BCL2L1: variants seen among roughly 807,000 people sequenced by gnomAD.
BCL2L1 encodes the protein BCL2 like 1.
BCL2L1 carries 1 observed loss-of-function variant against 18.7 expected under a neutral mutation model. That is an observed-to-expected ratio of 0.05 (90% CI 0.02 to 0.25). The LOEUF (loss-of-function observed/expected upper bound fraction) is 0.25. Ranked by LOEUF, BCL2L1 falls within the 10% of genes least tolerant of loss-of-function variation. The pLI is 1.00. For missense variants in BCL2L1, 207 were observed against 304.9 expected (o/e 0.68, Z 2.39); for synonymous variants, 103 against 122.7 (o/e 0.84, Z 1.06).
At chr20:31,666,201 C>T in intron 2 of BCL2L1, 115 bp from the exon 3 acceptor site, 1 of 1,351,450 alleles carries the variant, frequency 7.4e-7, no homozygotes, top group Non-Finnish European at 1.0e-6. Context: ...CTGTAGCCAT[C>T]TGTGCCCACT....
At position 31,720,087 on chromosome 20, in the gene BCL2L1, C is replaced by CAGCT. The variant is rs1424843206; in HGVS notation, c.564+1564_564+1567dup. ...TTACAGAATGGCTTTCAAGTCTAGTCAGCTAGCTCAAGAGAACCCACCACC... is the reference window on the plus strand; with the variant it reads ...TTACAGAATGGCTTTCAAGTCTAGTCAGCTAGCTAGCTCAAGAGAACCCACCACC... On this transcript the variant is annotated intron_variant, in intron 2 of 2. Transcript: ENST00000307677. The CAGCT allele has an allele frequency of 5.1e-6, 5 of 985,364 alleles. 1 individual carries two copies. The Admixed American group carries it at 3.1e-4, about 60-fold the overall frequency. The allele number at this position is 985,364 out of a possible 1,614,324, so 61.0% of individuals were successfully genotyped here.
intron 2 of BCL2L1, among the ~76,000 whole-genome samples, chr20:31,700,345 T>C (rs1356741573): frequency 6.6e-6 from 1 of 152,158 alleles, no homozygotes; most frequent in East Asian, 1.9e-4. Context: ...GAAGCTGCCA[T>C]TGCCACCTGG....
At chr20:31,709,425 G>A (rs2061418423) in intron 2 of BCL2L1, among the ~76,000 whole-genome samples, 1 of 152,028 alleles carries the variant, frequency 6.6e-6, no homozygotes, top group Non-Finnish European at 1.5e-5. Flanking sequence ...GCAATGGCAT[G>A]ATTTCAGCTC....
intron 2 of BCL2L1, among the ~76,000 whole-genome samples, chr20:31,707,170 T>C (rs1474741235): frequency 1.3e-5 from 2 of 152,274 alleles, no homozygotes; most frequent in Middle Eastern, 3.4e-3. Flanking sequence ...AAACCTCTAC[T>C]GTGTACAAGG....
upstream of BCL2L1, chr20:31,723,396 A>C: frequency 1.0e-6 from 1 of 985,378 alleles, no homozygotes; most frequent in Non-Finnish European, 1.2e-6. Flanking sequence ...CACAGCTGAG[A>C]CCACGTTTTC....
intron 2 of BCL2L1, among the ~76,000 whole-genome samples, chr20:31,667,845 AGCT>A (rs1309630065): frequency 2.0e-5 from 3 of 152,136 alleles, no homozygotes; most frequent in Admixed American, 1.3e-4. Flanking sequence ...ATGTGCACTG[AGCT>A]GCTAATTTGA....
At chr20:31,666,209 A>G (rs1568844612) in intron 2 of BCL2L1, 123 bp from the exon 3 acceptor site, 3 of 1,267,746 alleles carry the variant, frequency 2.4e-6, no homozygotes, top group Non-Finnish European at 3.3e-6. Context: ...ATCTGTGCCC[A>G]CTCTGGGCCA....
At chr20:31,695,597 G>C (rs539494750) in intron 2 of BCL2L1, among the ~76,000 whole-genome samples, 1 of 152,330 alleles carries the variant, frequency 6.6e-6, no homozygotes, top group African/African-American at 2.4e-5. Context: ...GTCCCGAGTA[G>C]CTAGCTAGGA....
At chr20:31,700,870 A>T (rs944195003) in intron 2 of BCL2L1, among the ~76,000 whole-genome samples, 1 of 152,218 alleles carries the variant, frequency 6.6e-6, no homozygotes, top group African/African-American at 2.4e-5. Context: ...CTTGAAACAA[A>T]GTTAGCTAGG....
intron 2 of BCL2L1, among the ~76,000 whole-genome samples, chr20:31,672,625 C>T (rs1248278355): frequency 6.6e-6 from 1 of 152,166 alleles, no homozygotes; most frequent in Non-Finnish European, 1.5e-5. Context: ...GGCCCAGGAC[C>T]TACTCAGACA....
At chr20:31,684,394 G>C (rs1227015027) in intron 2 of BCL2L1, among the ~76,000 whole-genome samples, 1 of 152,198 alleles carries the variant, frequency 6.6e-6, no homozygotes, top group Non-Finnish European at 1.5e-5. Context: ...AGAGACCAGA[G>C]AGCTGAGAGC....
At chr20:31,721,364 T>C in intron 2 of BCL2L1, 1 of 407,446 alleles carries the variant, frequency 2.5e-6, no homozygotes, top group Non-Finnish European at 4.4e-6. Flanking sequence ...GTTTGGGACT[T>C]AATGAACACA....
At chr20:31,717,229 G>T (rs1050095300) in intron 2 of BCL2L1, among the ~76,000 whole-genome samples, 1 of 152,216 alleles carries the variant, frequency 6.6e-6, no homozygotes, top group African/African-American at 2.4e-5. Flanking sequence ...GGCAAAACCA[G>T]GGAGACTGGA....
intron 2 of BCL2L1, among the ~76,000 whole-genome samples, chr20:31,681,108 G>A (rs1027731719): frequency 6.6e-6 from 1 of 152,230 alleles, no homozygotes; most frequent in Non-Finnish European, 1.5e-5. Flanking sequence ...TCTGGAGGTA[G>A]CCAAGGGCCC....
chr20:31,666,060 G>A lies in BCL2L1; in HGVS notation c.591C>T (p.Asn197=), dbSNP rs756681825. Residue 197 remains asparagine (N), a synonymous_variant, in exon 3 of 3, where the codon AAC becomes AAT. Transcript: ENST00000307677. ...CCTTTCGGCTCTCGGCTGCTGCATT[G>A]TTCCCATAGAGTTCCACAAAAGTAT... The part of the protein sequence containing the change: ...GWDTFVELYG[N]NAAAESRKGQ... The A allele has an allele frequency of 6.2e-7, 1 of 1,614,110 alleles. No homozygotes were observed. Among genetic ancestry groups the A allele is most frequent in the Non-Finnish European group, 8.5e-7 (1 of 1,180,010 alleles).
At chr20:31,721,526 C>G in intron 2 of BCL2L1, 129 bp downstream of exon 2, 1 of 1,120,022 alleles carries the variant, frequency 8.9e-7, no homozygotes, top group Non-Finnish European at 1.2e-6. Context: ...TGAGGCCAGT[C>G]AGGTTTCCTC....
intron 2 of BCL2L1, among the ~76,000 whole-genome samples, chr20:31,704,180 T>C (rs895664226): frequency 1.3e-5 from 2 of 149,398 alleles, no homozygotes; most frequent in African/African-American, 5.0e-5. Context: ...CTCAGCTCAC[T>C]GCAACCTATG....
intron 2 of BCL2L1, among the ~76,000 whole-genome samples, chr20:31,683,061 G>A (rs1438625188): frequency 6.6e-6 from 1 of 152,042 alleles, no homozygotes; most frequent in African/African-American, 2.4e-5. Context: ...TTCACCACAT[G>A]GCAGCCAGAG....
intron 2 of BCL2L1, among the ~76,000 whole-genome samples, chr20:31,701,012 C>CT (rs1364022453): frequency 6.6e-6 from 1 of 152,122 alleles, no homozygotes; most frequent in Non-Finnish European, 1.5e-5. Flanking sequence ...AAATCCTAGA[C>CT]TATTAGGTGC....
Sources: gnomAD v4.1 joint callset for allele counts (sites outside exome capture counted in the v4.1 genomes callset) on GRCh38, gnomAD v4.1.1 for gene constraint, MANE v1.5 for transcripts, NCBI Gene and HGNC (gene_info 2026-07-23, HGNC 2026-07-21) for gene names.